CNTN6: variants seen among roughly 807,000 people sequenced by gnomAD.
The protein encoded by CNTN6 is contactin 6.
In CNTN6, 137 loss-of-function variants were observed where a neutral mutation model predicts 122.8. That is an observed-to-expected ratio of 1.12 (90% CI 0.97 to 1.29). CNTN6 has a LOEUF of 1.29. CNTN6 is among the 50% of genes most tolerant of loss of function. The probability of loss-of-function intolerance (pLI) is 0.00; values close to 1 mark genes in which losing one functional copy is unlikely to be tolerated. For missense variants in CNTN6, 1,634 were observed against 1,223.4 expected, an observed-to-expected ratio of 1.34 and a Z score of -5.01; for synonymous variants, 570 against 426.0, an observed-to-expected ratio of 1.34 and a Z score of -4.16.
At chr3:1,317,633 C>T (rs1224371836) in intron 7 of CNTN6, among the ~76,000 whole-genome samples, 1 of 151,656 alleles carries the variant, frequency 6.6e-6, no homozygotes. Context: ...TTATACCTCA[C>T]TGTCTCAAAA....
chr3:1,098,099 G>T (rs938201169), intron 1 of CNTN6, among the ~76,000 whole-genome samples: 16 of 151,856 alleles, frequency 1.1e-4, no homozygotes, highest in Admixed American at 2.0e-4. Context: ...ATTTGCGGGG[G>T]GGGGAGGGAT....
intron 4 of CNTN6, among the ~76,000 whole-genome samples, chr3:1,246,947 C>T (rs187345457): frequency 1.7e-4 from 26 of 152,092 alleles, no homozygotes; most frequent in East Asian, 5.8e-4. Context: ...TGTAGGAAAC[C>T]GCTTCTACTG....
intron 2 of CNTN6, among the ~76,000 whole-genome samples, chr3:1,214,120 T>A (rs1178692652): frequency 6.6e-6 from 1 of 152,096 alleles, no homozygotes; most frequent in Non-Finnish European, 1.5e-5. Flanking sequence ...TTTGAAAGTA[T>A]TCTGTGTGTA....
intron 3 of CNTN6, among the ~76,000 whole-genome samples, chr3:1,226,311 GA>G (rs2094283038): frequency 6.6e-6 from 1 of 152,150 alleles, no homozygotes; most frequent in South Asian, 2.1e-4. Flanking sequence ...ACACAGTTTG[GA>G]AACTGGCTAT....
intron 4 of CNTN6, among the ~76,000 whole-genome samples, chr3:1,237,374 G>T (rs998840035): frequency 1.3e-5 from 2 of 151,872 alleles, no homozygotes; most frequent in African/African-American, 4.8e-5. Flanking sequence ...TAAAAAATGA[G>T]CAAAGCTTCC....
At chr3:1,346,920 G>C (rs1404199714) in intron 11 of CNTN6, among the ~76,000 whole-genome samples, 3 of 152,114 alleles carry the variant, frequency 2.0e-5, no homozygotes, top group African/African-American at 7.2e-5. Flanking sequence ...TCAGGCAAAT[G>C]GGTAGGACAT....
intron 1 of CNTN6, among the ~76,000 whole-genome samples, chr3:1,103,429 G>A (rs2091055538): frequency 1.3e-5 from 2 of 152,306 alleles, no homozygotes; most frequent in East Asian, 3.9e-4. Flanking sequence ...TGTGCAGACT[G>A]TGCCTATGCG....
intron 1 of CNTN6, among the ~76,000 whole-genome samples, chr3:1,109,733 G>T (rs1285215031): frequency 1.3e-5 from 2 of 151,864 alleles, no homozygotes; most frequent in Non-Finnish European, 2.9e-5. Flanking sequence ...ATGATCTTCT[G>T]AGATCCATCT....
At chr3:1,383,263 A>C (rs778148135) in intron 18 of CNTN6, 30 bp from the exon 19 acceptor site, 1 of 1,604,474 alleles carries the variant, frequency 6.2e-7, no homozygotes, top group Non-Finnish European at 8.5e-7. Flanking sequence ...CACTCTGCTA[A>C]AGATGGTTAT....
intron 2 of CNTN6, among the ~76,000 whole-genome samples, chr3:1,180,266 G>A (rs1017848717): frequency 6.6e-6 from 1 of 152,152 alleles, no homozygotes; most frequent in Non-Finnish European, 1.5e-5. Flanking sequence ...CACAAATGTG[G>A]CAACATATCA....
chr3:1,339,121 A>T (rs919600100), intron 11 of CNTN6, among the ~76,000 whole-genome samples: 1 of 151,860 alleles, frequency 6.6e-6, no homozygotes, highest in Middle Eastern at 3.2e-3. Context: ...TTCATAGTAG[A>T]ACTTTTTAAA....
chr3:1,282,412 C>T (rs1693625831), intron 5 of CNTN6, among the ~76,000 whole-genome samples: 1 of 152,156 alleles, frequency 6.6e-6, no homozygotes, highest in South Asian at 2.1e-4. Flanking sequence ...GTTCAAGACG[C>T]TCTATTTTAT....
chr3:1,380,685 C>A (rs1044228115), intron 17 of CNTN6, among the ~76,000 whole-genome samples: 1 of 152,110 alleles, frequency 6.6e-6, no homozygotes, highest in Non-Finnish European at 1.5e-5. Context: ...GCTTTTGTAG[C>A]TCAAAAGAGC....
chr3:1,366,399 G>A (rs999264111), intron 12 of CNTN6, among the ~76,000 whole-genome samples: 14 of 152,144 alleles, frequency 9.2e-5, no homozygotes, highest in African/African-American at 2.7e-4. Context: ...TTTCAGTGTC[G>A]ATGAGCCTCG....
At chr3:1,321,137 A>G (rs985012098) in intron 7 of CNTN6, among the ~76,000 whole-genome samples, 4 of 151,568 alleles carry the variant, frequency 2.6e-5, no homozygotes, top group Admixed American at 1.3e-4. Flanking sequence ...TCAGTTACCT[A>G]TTAGTACCAG....
At chr3:1,263,653 C>T (rs573717571) in intron 4 of CNTN6, among the ~76,000 whole-genome samples, 2 of 152,218 alleles carry the variant, frequency 1.3e-5, no homozygotes, top group South Asian at 2.1e-4. Flanking sequence ...TGCATTCACT[C>T]GCTTTAGAGG....
chr3:1,389,551 T>C (rs183380184), intron 20 of CNTN6, among the ~76,000 whole-genome samples: 1 of 145,638 alleles, frequency 6.9e-6, no homozygotes, highest in Admixed American at 6.9e-5. Context: ...CAGGATCAAA[T>C]TCACACATAA....
At chr3:1,232,610 G>A (rs189050996) in intron 4 of CNTN6, among the ~76,000 whole-genome samples, 2 of 152,278 alleles carry the variant, frequency 1.3e-5, no homozygotes, top group Admixed American at 6.5e-5. Context: ...AGCAGATTGA[G>A]GCACAGAAGA....
chr3:1,093,448 T>C (rs1338501559), intron 1 of CNTN6, among the ~76,000 whole-genome samples: 1 of 152,114 alleles, frequency 6.6e-6, no homozygotes, highest in Admixed American at 6.6e-5. Flanking sequence ...ATGACAGTGC[T>C]AATTCTGGGA....
Sources: gnomAD v4.1 joint callset for allele counts (sites outside exome capture counted in the v4.1 genomes callset) on GRCh38, gnomAD v4.1.1 for gene constraint, MANE v1.5 for transcripts, NCBI Gene and HGNC (gene_info 2026-07-23, HGNC 2026-07-21) for gene names.